The following PRELID3A variants were observed in gnomAD, a reference collection of about 807,000 sequenced individuals.
The protein encoded by PRELID3A is PRELI domain containing protein 3A.
Under a neutral mutation model 23.0 loss-of-function variants are expected in PRELID3A, and 27 were observed. The ratio of observed to expected loss-of-function variants is 1.17; its 90% confidence interval spans 0.87 to 1.62. PRELID3A has a LOEUF of 1.62. Among genes scored for constraint, PRELID3A ranks in the 40% most tolerant of loss-of-function variants. The pLI, the probability that PRELID3A is intolerant of heterozygous loss-of-function variation, is 0.00. For synonymous variants in PRELID3A, 87 were observed against 86.4 expected (o/e 1.01, Z -0.04); for missense variants, 231 against 231.4 (o/e 1.00, Z 0.01).
rs45482397 is a variant in PRELID3A at position 12,426,926 on chromosome 18, A to C, written c.292-115A>C. 1.9e-3 allele frequency: 1,364 copies of C among 711,246 alleles called. 6 individuals are homozygous for C. Among genetic ancestry groups the C allele is most frequent in the Non-Finnish European group, 2.7e-3 (1,108 of 403,196 alleles). 44.1% of individuals were successfully genotyped at this position (711,246 alleles called of 1,614,324 possible). On this transcript the variant is annotated intron_variant, in intron 3 of 6. Coordinates refer to ENST00000440960, the MANE Select transcript of PRELID3A (RefSeq NM_001142405.2). ...TGTGGTCGTATCTCCTATGCCTAAA[A>C]GTTTCTTCTGTTCTGGCCCCACTAA...
Position 12,419,651 on chromosome 18 carries a change from A to C in PRELID3A, c.33-674A>C, listed in dbSNP as rs2030081860. Among the ~76,000 whole-genome samples, 5 of 149,954 alleles carry C rather than the reference A, an allele frequency of 3.3e-5. No homozygotes were observed. In the South Asian group the frequency reaches 1.1e-3, roughly 32 times the overall value. Reference sequence around the variant, plus strand: ...CTCAAAAAAAAATTAATTAATTTAAAAAGTTAGGCCGGGCGTGGTGGCTCA... The same window carrying C: ...CTCAAAAAAAAATTAATTAATTTAACAAGTTAGGCCGGGCGTGGTGGCTCA... On this transcript the variant is annotated intron_variant, in intron 1 of 6. Transcript: ENST00000440960.
rs1405047370 is a variant in PRELID3A at position 12,407,984 on chromosome 18, C to G, written c.9C>G (p.Ile3Met). The G allele has an allele frequency of 4.6e-6, 6 of 1,299,752 alleles. No homozygotes were observed. The highest frequency in any genetic ancestry group is 4.9e-6 in the Non-Finnish European group (5 of 1,024,802). 80.5% of individuals were successfully genotyped at this position (1,299,752 alleles called of 1,614,324 possible). MK[I>M]WSSEHVFGHP... is the part of the protein sequence containing the mutation. ...GCCCTGCGCCGGCGGCAATGAAGATCTGGAGCTCGGAGCACGTGTTTGGGT... is the reference window on the plus strand; with the variant it reads ...GCCCTGCGCCGGCGGCAATGAAGATGTGGAGCTCGGAGCACGTGTTTGGGT... Residue 3 changes from isoleucine to methionine, a missense_variant, in exon 1 of 7, where the codon ATC becomes ATG. Ile to Met is a conservative substitution (Grantham distance 10). Transcript: ENST00000440960.
At chr18:12,430,704 ATG>A (rs1402612195) in intron 6 of PRELID3A, among the ~76,000 whole-genome samples, 2 of 133,872 alleles carry the variant, frequency 1.5e-5, no homozygotes, top group African/African-American at 2.9e-5. Context: ...CTGTGTGTGA[ATG>A]TGTGTATAGT....
chr18:12,408,438 C>T (rs1343174014), intron 1 of PRELID3A, among the ~76,000 whole-genome samples: 13 of 152,102 alleles, frequency 8.5e-5, no homozygotes, highest in Admixed American at 8.5e-4. Context: ...CTGAGATTGT[C>T]ATAAACCTTC....
intron 1 of PRELID3A, among the ~76,000 whole-genome samples, chr18:12,411,247 A>G (rs1909897583): frequency 6.6e-6 from 1 of 151,950 alleles, no homozygotes; most frequent in South Asian, 2.1e-4. Flanking sequence ...TCACAAGGTC[A>G]GGAGATTGAG....
At chr18:12,408,295 CG>C (rs1377663961) in intron 1 of PRELID3A, among the ~76,000 whole-genome samples, 1 of 150,618 alleles carries the variant, frequency 6.6e-6, no homozygotes, top group Non-Finnish European at 1.5e-5. Flanking sequence ...ACAGCCAGGG[CG>C]GGGGCAGCCG....
chr18:12,426,295 C>T (rs997603043), intron 3 of PRELID3A, among the ~76,000 whole-genome samples: 1 of 151,550 alleles, frequency 6.6e-6, no homozygotes, highest in Non-Finnish European at 1.5e-5. Context: ...TGGCTCACGC[C>T]TGTAATCCCA....
chr18:12,411,299 A>C (rs1004834019), intron 1 of PRELID3A, among the ~76,000 whole-genome samples: 2 of 148,086 alleles, frequency 1.4e-5, no homozygotes, highest in Non-Finnish European at 3.0e-5. Context: ...TCTACTAAAA[A>C]ATAAAAAAAA....
At chr18:12,411,522 G>A (rs1330888165) in intron 1 of PRELID3A, among the ~76,000 whole-genome samples, 1 of 151,554 alleles carries the variant, frequency 6.6e-6, no homozygotes, top group Admixed American at 6.6e-5. Context: ...CAGCATTGAG[G>A]TTTCAGGCAG....
At chr18:12,421,418 T>C (rs2030177813) in intron 2 of PRELID3A, 122 bp from the exon 3 acceptor site, 5 of 697,232 alleles carry the variant, frequency 7.2e-6, no homozygotes, top group Non-Finnish European at 2.6e-6. Context: ...CTCTGTCCCT[T>C]GCTGCATCCC....
At chr18:12,409,065 G>A (rs1425787332) in intron 1 of PRELID3A, among the ~76,000 whole-genome samples, 1 of 150,732 alleles carries the variant, frequency 6.6e-6, no homozygotes, top group South Asian at 2.1e-4. Context: ...TATTTTGGGG[G>A]GAAAAAAAGT....
At chr18:12,411,705 C>T (rs1031203095) in intron 1 of PRELID3A, among the ~76,000 whole-genome samples, 2 of 152,118 alleles carry the variant, frequency 1.3e-5, no homozygotes, top group African/African-American at 4.8e-5. Context: ...GCTTGCCTTA[C>T]AGCTAGGAGC....
intron 1 of PRELID3A, chr18:12,420,029 G>A: frequency 2.4e-6 from 2 of 850,196 alleles, no homozygotes; most frequent in Non-Finnish European, 3.2e-6. Context: ...TTGAGCCTGG[G>A]AGGTTTGAGT....
In PRELID3A at chr18:12,424,727, C is replaced by A. The variant is rs911382328; in HGVS notation, c.292-2314C>A. On this transcript the variant is annotated intron_variant, in intron 3 of 6. Transcript: ENST00000440960. The stretch of plus-strand genomic sequence containing the variant: ...CTGTTTAAACTTTTTAAAACATGGT[C>A]TTTTATCAGAATTGGCATTTTGAGA... Among the ~76,000 whole-genome samples, 6 of 152,310 alleles carry A rather than the reference C, an allele frequency of 3.9e-5. No homozygotes were observed. The South Asian group carries it at 1.2e-3, about 32-fold the overall frequency.
chr18:12,416,395 G>A (rs1239364448), intron 1 of PRELID3A, among the ~76,000 whole-genome samples: 1 of 151,986 alleles, frequency 6.6e-6, no homozygotes, highest in Non-Finnish European at 1.5e-5. Flanking sequence ...CTGCAGCCTC[G>A]ACCTCCGGTC....
chr18:12,429,703 C>T (rs973004595), intron 6 of PRELID3A, among the ~76,000 whole-genome samples: 1 of 152,210 alleles, frequency 6.6e-6, no homozygotes, highest in South Asian at 2.1e-4. Context: ...CTCCAGCAAG[C>T]CACCCTCGGG....
chr18:12,430,006 C>T (rs2030514775), intron 6 of PRELID3A, among the ~76,000 whole-genome samples: 1 of 152,254 alleles, frequency 6.6e-6, no homozygotes, highest in African/African-American at 2.4e-5. Flanking sequence ...CCAGCGGCCA[C>T]CAGGGCCTGA....
rs138899832 is a variant in PRELID3A at position 12,427,563 on chromosome 18, C to T, written c.465+240C>T. ...TACAAAAATTAGCTGGGCATAGTGG[C>T]ACACCTCTGTAGTCCCAGCTACTCG... On this transcript the variant is annotated intron_variant, in intron 5 of 6. Transcript: ENST00000440960. Among the ~76,000 whole-genome samples, 9 of 152,042 alleles carry T rather than the reference C, an allele frequency of 5.9e-5. No homozygotes were observed. The East Asian group carries it at 1.5e-3, about 26-fold the overall frequency.
chr18:12,412,406 T>G (rs371698083), intron 1 of PRELID3A, among the ~76,000 whole-genome samples: 7 of 152,008 alleles, frequency 4.6e-5, no homozygotes, highest in Non-Finnish European at 1.0e-4. Context: ...CAGGCTGGTC[T>G]CCAACTGCTG....
Sources: gnomAD v4.1 joint callset for allele counts (sites outside exome capture counted in the v4.1 genomes callset) on GRCh38, gnomAD v4.1.1 for gene constraint, MANE v1.5 for transcripts, NCBI Gene and HGNC (gene_info 2026-07-23, HGNC 2026-07-21) for gene names.